DNAAF4: variants seen among roughly 807,000 people sequenced by gnomAD.
The protein encoded by DNAAF4 is dynein assembly factor 4, axonemal.
A neutral mutation model predicts 51.8 loss-of-function variants in DNAAF4; 43 were observed. The observed-to-expected ratio is 0.83, with a 90% confidence interval of 0.65 to 1.07. The LOEUF (loss-of-function observed/expected upper bound fraction) is 1.07, where lower values mean the gene tolerates loss of function less well. Ranked by LOEUF, DNAAF4 falls within the 50% of genes least tolerant of loss-of-function variation. The pLI is 0.00. For synonymous variants in DNAAF4, 194 were observed against 165.6 expected, an observed-to-expected ratio of 1.17 and a Z score of -1.32; for missense variants, 581 against 493.0, an observed-to-expected ratio of 1.18 and a Z score of -1.69.
At chr15:55,419,098 A>G (rs1354765414) in intron 7 of DNAAF4, among the ~76,000 whole-genome samples, 2 of 152,048 alleles carry the variant, frequency 1.3e-5, no homozygotes, top group African/African-American at 4.8e-5. Context: ...TTGTATTTTT[A>G]GTAGAGACGG....
At chr15:55,424,634 C>G (rs2057414825) in intron 7 of DNAAF4, among the ~76,000 whole-genome samples, 1 of 152,240 alleles carries the variant, frequency 6.6e-6, no homozygotes. Context: ...ACGATCTCAG[C>G]TCACTGCAAC....
chr15:55,505,919 T>TA (rs939876116), intron 1 of DNAAF4, among the ~76,000 whole-genome samples: 2 of 152,026 alleles, frequency 1.3e-5, no homozygotes, highest in Admixed American at 6.6e-5. Flanking sequence ...AGTATAATAA[T>TA]AAAAAAAGTA....
At position 55,431,466 on chromosome 15, in the gene DNAAF4, T is replaced by C. The variant is rs116154331; in HGVS notation, c.1154-687A>G. On this transcript the variant is annotated intron_variant, in intron 9 of 9. Transcript: ENST00000321149. ...TCCATGATATCTCAAATCATTTATA[T>C]ATTTTATCTTTTTTTTTTTTTTTTT... 6.3e-3 allele frequency among the ~76,000 whole-genome samples: 950 copies of C among 151,136 alleles called. 18 individuals are homozygous for C. The highest frequency in any genetic ancestry group is 0.022 in the African/African-American group (916 of 41,286).
At chr15:55,436,028 T>C (rs977050094) in intron 7 of DNAAF4, among the ~76,000 whole-genome samples, 3 of 152,214 alleles carry the variant, frequency 2.0e-5, no homozygotes, top group African/African-American at 7.2e-5. Context: ...TCTCAGGTGA[T>C]CTGCCCGCTT....
chr15:55,491,851 A>G (rs759557471), intron 3 of DNAAF4, among the ~76,000 whole-genome samples: 4 of 147,828 alleles, frequency 2.7e-5, no homozygotes, highest in Non-Finnish European at 5.9e-5. Flanking sequence ...TACCATCCAC[A>G]GCTTGTTTGT....
rs367890935 is a variant in DNAAF4 at position 55,497,490 on chromosome 15, C to T, written c.271+222G>A. On this transcript the variant is annotated intron_variant, in intron 3 of 9. Coordinates refer to ENST00000321149, the MANE Select transcript of DNAAF4 (RefSeq NM_130810.4). The stretch of plus-strand genomic sequence containing the variant: ...TGGCGGACACCTATAATCCCAGCTA[C>T]TTGAGAGGCTGAGGTAGGAGAATCC... Among the ~76,000 whole-genome samples the T allele has an allele frequency of 3.3e-5, 5 of 152,068 alleles. No homozygotes were observed. The East Asian group carries it at 9.7e-4, about 29-fold the overall frequency.
intron 1 of DNAAF4, among the ~76,000 whole-genome samples, chr15:55,502,558 A>G (rs937624688): frequency 2.0e-5 from 3 of 152,116 alleles, no homozygotes; most frequent in African/African-American, 7.2e-5. Context: ...TTGTATTGTT[A>G]ATCTCTCTTT....
chr15:55,442,862 C>A (rs1304473172), intron 6 of DNAAF4: 1 of 1,612,400 alleles, frequency 6.2e-7, no homozygotes, highest in Non-Finnish European at 8.5e-7. Flanking sequence ...GCACACATAC[C>A]AACAGTAGCA....
At chr15:55,481,276 T>C (rs1191554070) in intron 4 of DNAAF4, among the ~76,000 whole-genome samples, 1 of 152,114 alleles carries the variant, frequency 6.6e-6, no homozygotes, top group Non-Finnish European at 1.5e-5. Context: ...TATCAACCAA[T>C]CAGGATTAGT....
At chr15:55,432,130 T>C (rs776461693) in intron 9 of DNAAF4, among the ~76,000 whole-genome samples, 3 of 151,878 alleles carry the variant, frequency 2.0e-5, no homozygotes, top group Non-Finnish European at 4.4e-5. Flanking sequence ...TAATTTTGTG[T>C]TTTTAGTAGA....
At chr15:55,433,152 T>C (rs2057523058) in intron 8 of DNAAF4, among the ~76,000 whole-genome samples, 1 of 151,894 alleles carries the variant, frequency 6.6e-6, no homozygotes. Flanking sequence ...ATACTTAAAC[T>C]AGCCAGATGT....
At position 55,498,279 on chromosome 15, in the gene DNAAF4, G is replaced by A. The variant is rs757474659; in HGVS notation, c.51C>T (p.Val17=). Residue 17 remains valine (V), a synonymous_variant, in exon 2 of 10, where the codon GTC becomes GTT. Coordinates refer to ENST00000321149, the MANE Select transcript of DNAAF4 (RefSeq NM_130810.4). The stretch of plus-strand genomic sequence containing the variant: ...CGCCTTTGAGGGGCAGAGACAGAAA[G>A]ACCGCAGTCTTCGTCTGCTGCCAGC... The part of the protein sequence containing the change: ...DYSWQQTKTA[V]FLSLPLKGVC... The A allele has an allele frequency of 5.0e-6, 8 of 1,613,494 alleles. No homozygotes were observed. Among genetic ancestry groups the A allele is most frequent in the Non-Finnish European group, 5.9e-6 (7 of 1,179,766 alleles).
At chr15:55,487,490 C>G (rs537879877) in intron 4 of DNAAF4, among the ~76,000 whole-genome samples, 1 of 152,312 alleles carries the variant, frequency 6.6e-6, no homozygotes, top group Non-Finnish European at 1.5e-5. Context: ...GCAGCGGCAA[C>G]TGGCTCGGGT....
intron 1 of DNAAF4, among the ~76,000 whole-genome samples, chr15:55,503,508 C>T (rs957513449): frequency 3.9e-5 from 6 of 152,092 alleles, no homozygotes; most frequent in African/African-American, 1.4e-4. Context: ...TAAGGAACAT[C>T]GATGCAAAAA....
At chr15:55,494,526 A>T (rs1016991143) in intron 3 of DNAAF4, among the ~76,000 whole-genome samples, 18 of 151,718 alleles carry the variant, frequency 1.2e-4, no homozygotes, top group Admixed American at 2.6e-4. Context: ...ATTCTCCTGC[A>T]TCAGCCTCCC....
chr15:55,435,118 A>T, intron 7 of DNAAF4, 60 bp from the exon 8 acceptor site: 1 of 1,518,346 alleles, frequency 6.6e-7, no homozygotes. Context: ...ACACAGAAAT[A>T]ATATCTAATT....
At chr15:55,487,370 G>C (rs78617514) in intron 4 of DNAAF4, among the ~76,000 whole-genome samples, 2 of 152,022 alleles carry the variant, frequency 1.3e-5, no homozygotes, top group African/African-American at 4.8e-5. Flanking sequence ...AATTGTAAAC[G>C]CACCAATCAG....
chr15:55,486,294 A>T (rs1020272054), intron 4 of DNAAF4, among the ~76,000 whole-genome samples: 1 of 151,000 alleles, frequency 6.6e-6, no homozygotes, highest in Non-Finnish European at 1.5e-5. Context: ...CCTGGGTTCC[A>T]GCCATTCTCC....
At chr15:55,479,854 C>G (rs914350861) in intron 4 of DNAAF4, among the ~76,000 whole-genome samples, 1 of 152,102 alleles carries the variant, frequency 6.6e-6, no homozygotes, top group Non-Finnish European at 1.5e-5. Context: ...AAACTCCACC[C>G]TCGTAAATTT....
Sources: allele counts gnomAD v4.1 joint callset (sites outside exome capture counted in the v4.1 genomes callset), GRCh38; gene constraint gnomAD v4.1.1; transcripts MANE v1.5; gene names NCBI Gene and HGNC (gene_info 2026-07-23, HGNC 2026-07-21).